The following LMX1B variants were observed in gnomAD, a reference collection of about 807,000 sequenced individuals.
LMX1B encodes the protein LIM homeobox transcription factor 1-beta.
In LMX1B, 12 loss-of-function variants were observed where a neutral mutation model predicts 51.4. The ratio of observed to expected loss-of-function variants is 0.23; its 90% CI spans 0.15 to 0.38. LMX1B has a LOEUF of 0.38. LMX1B is among the 10% of genes least tolerant of loss of function. The pLI, the probability that LMX1B is intolerant of heterozygous loss-of-function variation, is 1.00. For synonymous variants in LMX1B, 237 were observed against 235.4 expected, an observed-to-expected ratio of 1.01 and a Z score of -0.06; for missense variants, 445 against 571.1, an observed-to-expected ratio of 0.78 and a Z score of 2.25.
intron 2 of LMX1B, among the ~76,000 whole-genome samples, chr9:126,631,072 C>T (rs1005073316): frequency 2.6e-5 from 4 of 152,206 alleles, no homozygotes; most frequent in East Asian, 1.9e-4. Context: ...GCCAAAGGGG[C>T]GGGCAGGGCA....
chr9:126,678,929 T>G (rs1836622251), intron 2 of LMX1B, among the ~76,000 whole-genome samples: 1 of 152,230 alleles, frequency 6.6e-6, no homozygotes, highest in Non-Finnish European at 1.5e-5. Context: ...TTTATTAGTG[T>G]TGTTACAGCC....
intron 2 of LMX1B, among the ~76,000 whole-genome samples, chr9:126,645,025 CCT>C (rs1835874757): frequency 1.3e-5 from 2 of 152,294 alleles, no homozygotes; most frequent in Admixed American, 1.3e-4. Context: ...ACTCGGCTCC[CCT>C]GTCCCACCTG....
At chr9:126,644,490 C>T (rs187640067) in intron 2 of LMX1B, among the ~76,000 whole-genome samples, 3 of 152,284 alleles carry the variant, frequency 2.0e-5, no homozygotes, top group African/African-American at 7.2e-5. Context: ...AGTGCCCGCC[C>T]TTCCCGCAGC....
At chr9:126,678,325 AAAACAAAAAAAAAAAAC>A (rs1836609018) in intron 2 of LMX1B, among the ~76,000 whole-genome samples, 1,980 of 111,028 alleles carry the variant, frequency 0.018, 59 homozygotes, top group African/African-American at 0.093. Context: ...AAAAAAACAA[AAAACAAAAAAAAAAAAC>A]AAAAAGACTG....
At chr9:126,632,610 G>A (rs1302531065) in intron 2 of LMX1B, among the ~76,000 whole-genome samples, 1 of 152,334 alleles carries the variant, frequency 6.6e-6, no homozygotes, top group East Asian at 1.9e-4. Context: ...TTAGACCGGC[G>A]GGAGGAGGCT....
At position 126,615,650 on chromosome 9, in the gene LMX1B, C is replaced by A. The variant is rs1240497662; in HGVS notation, c.326+81C>A. 9.0e-6 allele frequency: 12 copies of A among 1,338,322 alleles called. No individual in the cohort carries two copies. Among genetic ancestry groups the A allele is most frequent in the Non-Finnish European group, 1.1e-5 (11 of 973,552 alleles). 82.9% of individuals were successfully genotyped at this position (1,338,322 alleles called of 1,614,324 possible). A position where few individuals can be genotyped will look rare whatever the true frequency, so the allele number is the denominator to read the frequency against. On this transcript the variant is annotated intron_variant, in intron 2 of 7. Coordinates refer to ENST00000373474, the MANE Select transcript of LMX1B (RefSeq NM_001174147.2). The surrounding 1 kb of genome is among the most constrained non-coding windows in gnomAD (Gnocchi z 6.0). Reference sequence around the variant, plus strand: ...CCCCCTGCCGGGCCCGGCCCGCGCCCGCTCTGCCGCCGGCTCTGTGCGCGG... The same window carrying A: ...CCCCCTGCCGGGCCCGGCCCGCGCCAGCTCTGCCGCCGGCTCTGTGCGCGG...
At chr9:126,681,984 T>C (rs940974127) in intron 2 of LMX1B, among the ~76,000 whole-genome samples, 1 of 147,730 alleles carries the variant, frequency 6.8e-6, no homozygotes, top group Admixed American at 6.7e-5. Context: ...TCTCATGTGA[T>C]CTGTCCCCTT....
chr9:126,698,914 C>G lies in LMX1B; in HGVS notation c.*2463C>G, dbSNP rs373410299. On this transcript the variant is annotated 3_prime_UTR_variant, in exon 8 of 8. Coordinates refer to ENST00000373474, the MANE Select transcript of LMX1B (RefSeq NM_001174147.2). ...GCTAGCCCTTCTGCAGCTCTTCTTACAAACAGAGCCTCTCCAAGGACCTCA... is the reference window on the plus strand; with the variant it reads ...GCTAGCCCTTCTGCAGCTCTTCTTAGAAACAGAGCCTCTCCAAGGACCTCA... 1 of 152,430 alleles carries G rather than the reference C, an allele frequency of 6.6e-6. No individual in the cohort carries two copies. The highest frequency in any genetic ancestry group is 6.5e-5 in the Admixed American group (1 of 15,292). The allele number at this position is 152,430 out of a possible 1,614,324, so 9.4% of individuals were successfully genotyped here.
In LMX1B at chr9:126,677,693, CT is replaced by C. The variant is rs1379949889; in HGVS notation, c.327-13142del. On this transcript the variant is annotated intron_variant, in intron 2 of 7. Coordinates refer to ENST00000373474, the MANE Select transcript of LMX1B (RefSeq NM_001174147.2). The surrounding 1 kb of genome is among the most constrained non-coding windows in gnomAD (Gnocchi z 5.0). ...GTGAAGCTCTGAGCACAGGGCTGAA[CT>C]GGTTCCCGTGAGTGTAACGTCTAGT... Among the ~76,000 whole-genome samples the C allele has an allele frequency of 6.6e-6, 1 of 152,194 alleles. No individual in the cohort carries two copies. The highest frequency in any genetic ancestry group is 1.5e-5 in the Non-Finnish European group (1 of 68,038).
At chr9:126,672,957 G>A (rs1247490257) in intron 2 of LMX1B, among the ~76,000 whole-genome samples, 1 of 152,242 alleles carries the variant, frequency 6.6e-6, no homozygotes, top group East Asian at 1.9e-4. Flanking sequence ...GGTCAGAACG[G>A]TGCGCCTCTC....
At chr9:126,654,472 G>T (rs1588283075) in intron 2 of LMX1B, among the ~76,000 whole-genome samples, 1 of 152,374 alleles carries the variant, frequency 6.6e-6, no homozygotes, top group Non-Finnish European at 1.5e-5. Context: ...TAGTTTGTGT[G>T]AATGATGAAC....
intron 2 of LMX1B, 87 bp from the exon 3 acceptor site, chr9:126,690,749 G>A (rs1207370930): frequency 1.7e-6 from 2 of 1,185,378 alleles, no homozygotes; most frequent in East Asian, 2.5e-5. Context: ...GAGGGTCAGG[G>A]TGGCAAGAGG....
intron 7 of LMX1B, 62 bp downstream of exon 7, chr9:126,696,065 C>T (rs1054308389): frequency 1.4e-6 from 2 of 1,430,202 alleles, no homozygotes; most frequent in Non-Finnish European, 9.3e-7. Context: ...CCAGGCCAGG[C>T]AGGCCTGGGG....
rs1835532182 is a variant in LMX1B, at chr9:126,626,373, T to C, written c.326+10804T>C. Among the ~76,000 whole-genome samples, 1 of 152,140 alleles carries C rather than the reference T, an allele frequency of 6.6e-6. No homozygotes were observed. The highest frequency in any genetic ancestry group is 6.5e-5 in the Admixed American group (1 of 15,280). ...AGTGATGCTTCCATCTCTGACAGCA[T>C]AGGGACCGGGAGCTCCGATGGAGGA... On this transcript the variant is annotated intron_variant, in intron 2 of 7. Transcript: ENST00000373474. This position sits in a 1 kb window ranked among gnomAD's most constrained non-coding sequence, Gnocchi z 4.3.
intron 2 of LMX1B, among the ~76,000 whole-genome samples, chr9:126,616,203 A>G (rs1835300214): frequency 6.6e-6 from 1 of 152,216 alleles, no homozygotes; most frequent in Non-Finnish European, 1.5e-5. Context: ...AAAGGTGGCA[A>G]GTTACAATTT....
At chr9:126,664,703 G>A (rs997214050) in intron 2 of LMX1B, among the ~76,000 whole-genome samples, 11 of 152,270 alleles carry the variant, frequency 7.2e-5, no homozygotes, top group South Asian at 2.1e-4. Context: ...GTGAAACCCC[G>A]TCGATACTAA....
chr9:126,645,922 G>C (rs984304867), intron 2 of LMX1B, among the ~76,000 whole-genome samples: 3 of 152,152 alleles, frequency 2.0e-5, no homozygotes, highest in African/African-American at 4.8e-5. Flanking sequence ...CAGCCCCACC[G>C]TGCCCCTGAG....
chr9:126,659,132 G>T (rs1300181939), intron 2 of LMX1B, among the ~76,000 whole-genome samples: 1 of 152,232 alleles, frequency 6.6e-6, no homozygotes, highest in Non-Finnish European at 1.5e-5. Context: ...AGGGCCTTTT[G>T]TCTAGCCCCA....
rs77430380 is a variant in LMX1B, at chr9:126,679,681, G to A, written c.327-11155G>A. Among the ~76,000 whole-genome samples, 403 of 152,038 alleles carry A rather than the reference G, an allele frequency of 2.7e-3. 1 individual carries two copies. Among genetic ancestry groups the A allele is most frequent in the African/African-American group, 7.8e-3 (325 of 41,454 alleles). ...GTGTCCAGCCTGACCTTTCTTTCTC[G>A]CCCACACTCCAACCTGACCACTGTC... On this transcript the variant is annotated intron_variant, in intron 2 of 7. Coordinates refer to ENST00000373474, the MANE Select transcript of LMX1B (RefSeq NM_001174147.2).
Sources: allele counts gnomAD v4.1 joint callset (sites outside exome capture counted in the v4.1 genomes callset), GRCh38; gene constraint gnomAD v4.1.1; non-coding constraint Gnocchi (gnomAD v3.1); transcripts MANE v1.5; gene names NCBI Gene and HGNC (gene_info 2026-07-23, HGNC 2026-07-21).